Variants in ZNF326 observed in about 807,000 individuals in gnomAD.
The protein encoded by ZNF326 is zinc finger protein 326, also known as DBIRD complex subunit ZNF326.
ZNF326 carries 30 observed loss-of-function variants against 63.1 expected under a neutral mutation model. The observed-to-expected ratio is 0.48, with a 90% CI of 0.36 to 0.64. The LOEUF (loss-of-function observed/expected upper bound fraction) is 0.64. Ranked by LOEUF, ZNF326 falls within the 30% of genes least tolerant of loss-of-function variation. ZNF326 has a pLI of 0.00. For synonymous variants in ZNF326, 194 were observed against 228.2 expected, an observed-to-expected ratio of 0.85 and a Z score of 1.35; for missense variants, 609 against 720.3, an observed-to-expected ratio of 0.85 and a Z score of 1.77.
chr1:90,024,026 A>G (rs957294392), intron 11 of ZNF326, among the ~76,000 whole-genome samples: 3 of 152,216 alleles, frequency 2.0e-5, no homozygotes, highest in South Asian at 2.1e-4. Flanking sequence ...TGAAAATTCA[A>G]GAAGCACTGG....
At chr1:90,023,938 G>T (rs1649889830) in intron 11 of ZNF326, among the ~76,000 whole-genome samples, 1 of 152,178 alleles carries the variant, frequency 6.6e-6, no homozygotes, top group Admixed American at 6.5e-5. Context: ...CATTAGAAAT[G>T]CAGAATTTCA....
At chr1:90,022,376 A>G (rs1649811653) in intron 11 of ZNF326, 31 bp downstream of exon 11, 3 of 1,483,176 alleles carry the variant, frequency 2.0e-6, no homozygotes, top group African/African-American at 2.8e-5. Context: ...CCTTTTCAAT[A>G]ATATTGTAGT....
rs1649808571 is a variant in ZNF326 at position 90,022,298 on chromosome 1, A to G, written c.1354A>G (p.Ile452Val). ...KRESVLTATS[I>V]LNNPIVKARY... ...AGAGAGTGTCTTGACTGCTACAAGC[A>G]TTTTAAATAATCCAATAGTGAAGGC... Residue 452 changes from isoleucine (I) to valine (V), a missense_variant, in exon 11 of 12, where the codon ATT becomes GTT. This residue lies in a region of ZNF326 where 399 missense variants were observed against 444.3 expected (regional missense o/e 0.90). Transcript: ENST00000340281. 1 of 1,613,448 alleles carries G rather than the reference A, an allele frequency of 6.2e-7. No individual in the cohort carries two copies. The highest frequency in any genetic ancestry group is 1.3e-5 in the African/African-American group (1 of 75,018).
At chr1:90,002,881 A>T (rs1648755504) in intron 2 of ZNF326, among the ~76,000 whole-genome samples, 2 of 152,304 alleles carry the variant, frequency 1.3e-5, no homozygotes, top group South Asian at 4.1e-4. Context: ...TTTGGAAAAT[A>T]CTAGTTTTTA....
At position 90,018,804 on chromosome 1, in the gene ZNF326, T is replaced by C. The variant is rs764447772; in HGVS notation, c.1174+20T>C. On this transcript the variant is annotated intron_variant, in intron 9 of 11. Coordinates refer to ENST00000340281, the MANE Select transcript of ZNF326 (RefSeq NM_182976.4). ...TGGAAGGTAAGTATTTAAAACAAAT[T>C]ATTTTAAAATTCTACATGTATTTTT... 7.2e-7 allele frequency: 1 copy of C among 1,392,850 alleles called. No individual in the cohort carries two copies. Among genetic ancestry groups the C allele is most frequent in the South Asian group, 1.3e-5 (1 of 78,316 alleles). The allele number at this position is 1,392,850 out of a possible 1,614,324, so 86.3% of individuals were successfully genotyped here. A position where few individuals can be genotyped will look rare whatever the true frequency, so the allele number is the denominator to read the frequency against.
intron 2 of ZNF326, among the ~76,000 whole-genome samples, chr1:90,004,214 T>C (rs1281024062): frequency 6.6e-6 from 1 of 152,098 alleles, no homozygotes; most frequent in African/African-American, 2.4e-5. Flanking sequence ...TTCACATTGC[T>C]AGAATTTGCA....
intron 10 of ZNF326, among the ~76,000 whole-genome samples, chr1:90,021,142 A>G (rs1208718022): frequency 2.0e-5 from 3 of 152,118 alleles, no homozygotes; most frequent in Non-Finnish European, 4.4e-5. Flanking sequence ...TTACGCAAGC[A>G]AGTTAACCTT....
At chr1:90,006,301 G>A in intron 4 of ZNF326, 1 of 978,322 alleles carries the variant, frequency 1.0e-6, no homozygotes, top group Non-Finnish European at 1.2e-6. Context: ...AATAATTGAA[G>A]TAATGTAACA....
In ZNF326 at chr1:90,005,331, A is replaced by G. The variant is rs567620056; in HGVS notation, c.209+87A>G. 34 of 1,510,594 alleles carry G rather than the reference A, an allele frequency of 2.3e-5. 1 individual carries two copies. In the African/African-American group the frequency reaches 4.3e-4, roughly 19 times the overall value. 93.6% of individuals were successfully genotyped at this position (1,510,594 alleles called of 1,614,324 possible). On this transcript the variant is annotated intron_variant, in intron 4 of 11. Coordinates refer to ENST00000340281, the MANE Select transcript of ZNF326 (RefSeq NM_182976.4). The stretch of plus-strand genomic sequence containing the variant: ...TTAAGTACTCTTTAGGCATGTTATG[A>G]TACTTGAACTTCACTGTTTGCTATT...
intron 1 of ZNF326, among the ~76,000 whole-genome samples, chr1:89,997,750 TCA>T (rs1259715540): frequency 6.6e-6 from 1 of 152,228 alleles, no homozygotes. Flanking sequence ...CGTACAATTC[TCA>T]GATGTCTTTG....
intron 7 of ZNF326, among the ~76,000 whole-genome samples, 177 bp downstream of exon 7, chr1:90,013,414 A>G (rs1033524974): frequency 6.6e-6 from 1 of 152,256 alleles, no homozygotes; most frequent in Non-Finnish European, 1.5e-5. Context: ...TAGAAAACAT[A>G]AGAAAAAAGG....
At chr1:90,017,094 G>A (rs548104483) in intron 7 of ZNF326, among the ~76,000 whole-genome samples, 32 of 152,290 alleles carry the variant, frequency 2.1e-4, no homozygotes, top group Middle Eastern at 3.4e-3. Context: ...TTCCTACCCG[G>A]AAGCTCCAAG....
At chr1:90,020,286 C>G (rs756557256) in intron 9 of ZNF326, among the ~76,000 whole-genome samples, 4 of 151,840 alleles carry the variant, frequency 2.6e-5, no homozygotes, top group Non-Finnish European at 5.9e-5. Context: ...CTTCTCTGTT[C>G]CAGTCGTACT....
In ZNF326 at chr1:89,995,161, G is replaced by T. The variant is rs1419316360; in HGVS notation, c.-97G>T. 1.4e-6 allele frequency: 2 copies of T among 1,431,478 alleles called. No individual in the cohort carries two copies. Among genetic ancestry groups the T allele is most frequent in the African/African-American group, 1.5e-5 (1 of 67,346 alleles). 88.7% of individuals were successfully genotyped at this position (1,431,478 alleles called of 1,614,324 possible). A position where few individuals can be genotyped will look rare whatever the true frequency, so the allele number is the denominator to read the frequency against. On this transcript the variant is annotated 5_prime_UTR_variant, in exon 1 of 12. Transcript: ENST00000340281. ...GGCTGGTAGCGCGCCGCTCTCGGTC[G>T]CGCGGAGTGATCGTGTGGAATCGCG... is the stretch of plus-strand genomic sequence containing the variant.
At chr1:90,005,324 T>C (rs1360936528) in intron 4 of ZNF326, 80 bp downstream of exon 4, 1 of 1,528,420 alleles carries the variant, frequency 6.5e-7, no homozygotes. Flanking sequence ...TCTTTAGGCA[T>C]GTTATGATAC....
In ZNF326 at chr1:90,010,096, T is replaced by G. The variant is rs1056330349; in HGVS notation, c.624T>G (p.Gly208=). 3.1e-6 allele frequency: 5 copies of G among 1,613,572 alleles called. No individual in the cohort carries two copies. Among genetic ancestry groups the G allele is most frequent in the Non-Finnish European group, 4.2e-6 (5 of 1,179,722 alleles). ...ATTTCACAAATTTACAGCATATGGG[T>G]GATTTTGGAAGCATTCATAGACCCG... ...TGRGRGRGHM[G]DFGSIHRPGI... The change falls in exon 6 of 12, where the codon GGT becomes GGG. Residue 208 remains glycine (G), a synonymous_variant. Coordinates refer to ENST00000340281, the MANE Select transcript of ZNF326 (RefSeq NM_182976.4).
chr1:90,006,844 G>A (rs1043841674), intron 4 of ZNF326, among the ~76,000 whole-genome samples: 3 of 152,146 alleles, frequency 2.0e-5, no homozygotes, highest in African/African-American at 7.2e-5. Flanking sequence ...GAAGCAGTTT[G>A]TGATATAGAT....
At chr1:90,017,896 G>T (rs1649575924) in intron 8 of ZNF326, among the ~76,000 whole-genome samples, 1 of 152,232 alleles carries the variant, frequency 6.6e-6, no homozygotes. Context: ...GGGAAAGACA[G>T]TTGGGAATGT....
Position 89,995,151 on chromosome 1 carries a change from G to C in ZNF326, c.-107G>C, listed in dbSNP as rs529496540. 11 of 1,377,244 alleles carry C rather than the reference G, an allele frequency of 8.0e-6. No individual in the cohort carries two copies. In the East Asian group the frequency reaches 1.1e-4, roughly 14 times the overall value. 85.3% of individuals were successfully genotyped at this position (1,377,244 alleles called of 1,614,324 possible). A position where few individuals can be genotyped will look rare whatever the true frequency, so the allele number is the denominator to read the frequency against. ...GCGGCTCCCGGGCTGGTAGCGCGCC[G>C]CTCTCGGTCGCGCGGAGTGATCGTG... On this transcript the variant is annotated 5_prime_UTR_variant, in exon 1 of 12. Coordinates refer to ENST00000340281, the MANE Select transcript of ZNF326 (RefSeq NM_182976.4).
Sources: gnomAD v4.1 joint callset for allele counts (sites outside exome capture counted in the v4.1 genomes callset) on GRCh38, gnomAD v4.1.1 for gene constraint, gnomAD v4.1.1 regional missense constraint, MANE v1.5 for transcripts, NCBI Gene and HGNC (gene_info 2026-07-23, HGNC 2026-07-21) for gene names.